GREM2: variants seen among roughly 807,000 people sequenced by gnomAD.
The protein encoded by GREM2 is gremlin-2.
GREM2 carries 11 observed loss-of-function variants against 14.2 expected under a neutral mutation model. The observed-to-expected ratio is 0.78, with a 90% CI of 0.49 to 1.28. The LOEUF (loss-of-function observed/expected upper bound fraction) is 1.28. Among genes scored for constraint, GREM2 ranks in the 50% most tolerant of loss-of-function variants. The pLI, the probability that GREM2 is intolerant of heterozygous loss-of-function variation, is 0.00. For missense variants in GREM2, 210 were observed against 218.5 expected, an observed-to-expected ratio of 0.96 and a Z score of 0.24; for synonymous variants, 98 against 97.6, an observed-to-expected ratio of 1.00 and a Z score of -0.02.
chr1:240,520,583 C>T (rs1287281807), intron 1 of GREM2, among the ~76,000 whole-genome samples: 2 of 152,002 alleles, frequency 1.3e-5, no homozygotes, highest in African/African-American at 2.4e-5. Flanking sequence ...TTACTCATTG[C>T]CCAGGCTGGA....
chr1:240,569,745 A>G (rs1341943233), intron 1 of GREM2, among the ~76,000 whole-genome samples: 1 of 152,196 alleles, frequency 6.6e-6, no homozygotes, highest in African/African-American at 2.4e-5. Context: ...TAAAACTCAC[A>G]TAAGAAAAAG....
chr1:240,500,972 A>G (rs912436607), intron 1 of GREM2, among the ~76,000 whole-genome samples: 1 of 152,160 alleles, frequency 6.6e-6, no homozygotes, highest in African/African-American at 2.4e-5. Context: ...TCCCCTGGGT[A>G]ATATGTGAGT....
intron 1 of GREM2, among the ~76,000 whole-genome samples, chr1:240,518,100 A>G (rs1677990135): frequency 1.3e-5 from 2 of 152,318 alleles, no homozygotes; most frequent in African/African-American, 2.4e-5. Context: ...TGAAGGCAAC[A>G]TCGTACGAAG....
chr1:240,493,462 A>G lies in GREM2; in HGVS notation c.14T>C (p.Leu5Pro). The G allele has an allele frequency of 6.2e-7, 1 of 1,606,808 alleles. No individual in the cohort carries two copies. The highest frequency in any genetic ancestry group is 8.5e-7 in the Non-Finnish European group (1 of 1,176,038). The change falls in exon 2 of 2, where the codon CTT becomes CCT. Residue 5 changes from leucine (L) to proline (P), a missense_variant. Coordinates refer to ENST00000318160, the MANE Select transcript of GREM2 (RefSeq NM_022469.4). MFWK[L>P]SLSLFLVAVL... ...CGCCACCAGGAACAAGGACAGGGAAAGCTTCCAGAACATCCTGCAAACGAG... is the reference window on the plus strand; with the variant it reads ...CGCCACCAGGAACAAGGACAGGGAAGGCTTCCAGAACATCCTGCAAACGAG...
intron 1 of GREM2, among the ~76,000 whole-genome samples, chr1:240,610,782 G>T (rs552148106): frequency 7.9e-5 from 12 of 152,246 alleles, no homozygotes; most frequent in Non-Finnish European, 1.8e-4. Context: ...CCATTCTCTG[G>T]CTGTACTGGA....
chr1:240,583,045 A>C (rs968465950), intron 1 of GREM2, among the ~76,000 whole-genome samples: 1 of 151,968 alleles, frequency 6.6e-6, no homozygotes, highest in Non-Finnish European at 1.5e-5. Flanking sequence ...GGTAATGACA[A>C]TCTTCTTTTA....
chr1:240,524,046 C>T (rs1225639487), intron 1 of GREM2, among the ~76,000 whole-genome samples: 2 of 152,116 alleles, frequency 1.3e-5, no homozygotes, highest in Non-Finnish European at 2.9e-5. Context: ...CAGAATCTTG[C>T]TCTGTCACCC....
rs1211695234 is a variant in GREM2, at chr1:240,542,921, G to A, written c.-1-49445C>T. 1.8e-4 allele frequency among the ~76,000 whole-genome samples: 27 copies of A among 152,138 alleles called. No homozygotes were observed. The highest frequency in any genetic ancestry group is 1.8e-3 in the Admixed American group (27 of 15,270). ...ATTGATCCTCTCTGAGAAAGAAAGA[G>A]CTCTCTCCACTCTTAGAAGTTCTGT... is the stretch of plus-strand genomic sequence containing the variant. On this transcript the variant is annotated intron_variant, in intron 1 of 1. Coordinates refer to ENST00000318160, the MANE Select transcript of GREM2 (RefSeq NM_022469.4). This position sits in a 1 kb window ranked among gnomAD's most constrained non-coding sequence, Gnocchi z 4.1.
chr1:240,516,136 T>TC (rs1045817269), intron 1 of GREM2, among the ~76,000 whole-genome samples: 2 of 151,566 alleles, frequency 1.3e-5, no homozygotes, highest in African/African-American at 4.9e-5. Flanking sequence ...ACTTTTTTTT[T>TC]TTTTTTAAGA....
intron 1 of GREM2, among the ~76,000 whole-genome samples, chr1:240,563,164 C>T (rs1192245466): frequency 1.5e-5 from 2 of 130,442 alleles, no homozygotes; most frequent in Admixed American, 7.4e-5. Context: ...TATGTGTGTA[C>T]GTGTGAGTGT....
At chr1:240,584,833 A>G (rs984946819) in intron 1 of GREM2, among the ~76,000 whole-genome samples, 4 of 152,214 alleles carry the variant, frequency 2.6e-5, no homozygotes, top group Non-Finnish European at 4.4e-5. Flanking sequence ...AGGTTACATG[A>G]AAATACAACA....
At chr1:240,558,677 C>T (rs1237260805) in intron 1 of GREM2, among the ~76,000 whole-genome samples, 3 of 151,998 alleles carry the variant, frequency 2.0e-5, no homozygotes, top group African/African-American at 7.2e-5. Flanking sequence ...ACCAGCAGTT[C>T]TCAAACTTGT....
chr1:240,529,273 TG>T (rs67819258), intron 1 of GREM2, among the ~76,000 whole-genome samples: 26,879 of 143,876 alleles, frequency 0.19, 3,405 homozygotes, highest in East Asian at 0.49. Flanking sequence ...CCTATGATTA[TG>T]TTTTTTTTTT....
rs192551546 is a variant in GREM2, at chr1:240,581,462, T to A, written c.-2+30422A>T. On this transcript the variant is annotated intron_variant, in intron 1 of 1. Transcript: ENST00000318160. ...GGTAAACGCTCATAGATTGTAGCTA[T>A]TATTAAGTTTGAACATTTTAAGTTA... is the stretch of plus-strand genomic sequence containing the variant. 2.0e-5 allele frequency among the ~76,000 whole-genome samples: 3 copies of A among 152,302 alleles called. No individual in the cohort carries two copies. The East Asian group carries it at 5.8e-4, about 29-fold the overall frequency.
chr1:240,575,749 G>GACCTCAGGTGATCTGTCC (rs1679359962), intron 1 of GREM2, among the ~76,000 whole-genome samples: 1 of 151,996 alleles, frequency 6.6e-6, no homozygotes, highest in Non-Finnish European at 1.5e-5. Context: ...TCAAACTCCT[G>GACCTCAGGTGATCTGTCC]ACCTCAGGTG....
At position 240,492,964 on chromosome 1, in the gene GREM2, G is replaced by C. The variant is rs201721326; in HGVS notation, c.*5C>G. On this transcript the variant is annotated 3_prime_UTR_variant, in exon 2 of 2. Coordinates refer to ENST00000318160, the MANE Select transcript of GREM2 (RefSeq NM_022469.4). The stretch of plus-strand genomic sequence containing the variant: ...CGCGGGGCTGAGCTGCGTCCGGCCC[G>C]GCGCTCACTGCTTGTCCGAGTCGCT... The C allele has an allele frequency of 6.6e-7, 1 of 1,517,362 alleles. No homozygotes were observed. The highest frequency in any genetic ancestry group is 1.3e-5 in the South Asian group (1 of 76,836). 94.0% of individuals were successfully genotyped at this position (1,517,362 alleles called of 1,614,324 possible). A position where few individuals can be genotyped will look rare whatever the true frequency, so the allele number is the denominator to read the frequency against.
chr1:240,527,408 T>C (rs991539594), intron 1 of GREM2, among the ~76,000 whole-genome samples: 1 of 152,236 alleles, frequency 6.6e-6, no homozygotes, highest in Non-Finnish European at 1.5e-5. Context: ...TTAGTGTCTT[T>C]GCTTTTGAAC....
rs370156783 is a variant in GREM2, at chr1:240,492,955, G to C, written c.*14C>G. On this transcript the variant is annotated 3_prime_UTR_variant, in exon 2 of 2. Transcript: ENST00000318160. ...CCGGGCGCGCGCGGGGCTGAGCTGC[G>C]TCCGGCCCGGCGCTCACTGCTTGTC... The C allele has an allele frequency of 1.5e-4, 225 of 1,502,920 alleles. 1 individual carries two copies. The highest frequency in any genetic ancestry group is 1.6e-4 in the Non-Finnish European group (176 of 1,123,094). The allele number at this position is 1,502,920 out of a possible 1,614,324, so 93.1% of individuals were successfully genotyped here. A position where few individuals can be genotyped will look rare whatever the true frequency, so the allele number is the denominator to read the frequency against.
At chr1:240,568,849 T>C (rs1345584088) in intron 1 of GREM2, among the ~76,000 whole-genome samples, 1 of 152,142 alleles carries the variant, frequency 6.6e-6, no homozygotes, top group Non-Finnish European at 1.5e-5. Context: ...TATATAAACA[T>C]AATTGTACTT....
Sources: allele counts gnomAD v4.1 joint callset (sites outside exome capture counted in the v4.1 genomes callset), GRCh38; gene constraint gnomAD v4.1.1; non-coding constraint Gnocchi (gnomAD v3.1); transcripts MANE v1.5; gene names NCBI Gene and HGNC (gene_info 2026-07-23, HGNC 2026-07-21).